The following BMX variants were observed in gnomAD, a reference collection of about 807,000 sequenced individuals.
The protein encoded by BMX is BMX non-receptor tyrosine kinase.
A neutral mutation model predicts 59.2 loss-of-function variants in BMX; 31 were observed. The observed-to-expected ratio is 0.52, with a 90% confidence interval of 0.39 to 0.71. The LOEUF (loss-of-function observed/expected upper bound fraction) is 0.71, where lower values mean the gene tolerates loss of function less well. Ranked by LOEUF, BMX falls within the 30% of genes least tolerant of loss-of-function variation. The pLI is 0.00. For synonymous variants in BMX, 185 were observed against 181.0 expected, an observed-to-expected ratio of 1.02 and a Z score of -0.18; for missense variants, 474 against 491.7, an observed-to-expected ratio of 0.96 and a Z score of 0.34.
intron 17 of BMX, among the ~76,000 whole-genome samples, chrX:15,548,214 C>G (rs1235499087): frequency 2.7e-5 from 3 of 111,425 alleles, no homozygotes; most frequent in African/African-American, 6.5e-5. Flanking sequence ...CCCAGCACTT[C>G]GAGAGGCTGA....
At chrX:15,536,449 C>G in intron 13 of BMX, 22 bp downstream of exon 13, 1 of 1,115,815 alleles carries the variant, frequency 9.0e-7, no homozygotes, top group Non-Finnish European at 1.2e-6. Context: ...TACTTGGGTT[C>G]TTAAACTCCA....
At chrX:15,505,154 C>A (rs1180103416) in intron 1 of BMX, among the ~76,000 whole-genome samples, 1 of 111,883 alleles carries the variant, frequency 8.9e-6, no homozygotes, top group Non-Finnish European at 1.9e-5. Flanking sequence ...AGAGAGACCA[C>A]AGAAATGTTT....
chrX:15,507,237 G>A, intron 1 of BMX: 1 of 565,764 alleles, frequency 1.8e-6, no homozygotes, highest in Non-Finnish European at 2.1e-6. Context: ...CTGTGTGGGT[G>A]CTTCCTGATC....
At chrX:15,541,921 T>C (rs1202566740) in intron 14 of BMX, 61 bp from the exon 15 acceptor site, 1 of 1,042,172 alleles carries the variant, frequency 9.6e-7, no homozygotes, top group Non-Finnish European at 1.3e-6. Context: ...AGCAACTCTT[T>C]TTCAGTACAT....
intron 14 of BMX, among the ~76,000 whole-genome samples, chrX:15,537,938 T>C (rs1925450103): frequency 9.1e-6 from 1 of 110,470 alleles, no homozygotes; most frequent in Admixed American, 9.6e-5. Context: ...GGGAGGTGCA[T>C]GGTGGGATGA....
At chrX:15,546,253 C>T (rs1408682101) in intron 16 of BMX, among the ~76,000 whole-genome samples, 3 of 111,838 alleles carry the variant, frequency 2.7e-5, no homozygotes, top group Non-Finnish European at 3.8e-5. Flanking sequence ...TTCATAACAG[C>T]AGAAGATTAG....
In BMX at chrX:15,526,070, G is replaced by A; in HGVS notation, c.859G>A (p.Glu287Lys). ...WEFPESSSSE[E>K]EENLDDYDWF... ...ATTCCCTGAGTCAAGTTCATCTGAAGAAGAGGAAAACCTGGATGATTATGA... is the reference window on the plus strand; with the variant it reads ...ATTCCCTGAGTCAAGTTCATCTGAAAAAGAGGAAAACCTGGATGATTATGA... The change falls in exon 9 of 19, where the codon GAA (glutamate) becomes AAA (lysine). Residue 287 changes from glutamate to lysine, a missense_variant. Coordinates refer to ENST00000348343, the MANE Select transcript of BMX (RefSeq NM_203281.3). 1 of 1,208,899 alleles carries A rather than the reference G, an allele frequency of 8.3e-7. No individual in the cohort carries two copies. The highest frequency in any genetic ancestry group is 1.8e-5 in the South Asian group (1 of 56,212).
chrX:15,512,400 T>C (rs752262903), intron 4 of BMX, among the ~76,000 whole-genome samples: 2 of 111,942 alleles, frequency 1.8e-5, no homozygotes, highest in African/African-American at 6.5e-5. Flanking sequence ...GTTATGGTTC[T>C]TTCTTAGTAC....
intron 6 of BMX, among the ~76,000 whole-genome samples, chrX:15,519,229 T>TATGGTGTC (rs1275068387): frequency 8.9e-6 from 1 of 111,861 alleles, no homozygotes; most frequent in Non-Finnish European, 1.9e-5. Context: ...CTATTGGATC[T>TATGGTGTC]ATGGTGTCTT....
At chrX:15,538,738 T>A (rs1486058890) in intron 14 of BMX, among the ~76,000 whole-genome samples, 2 of 111,875 alleles carry the variant, frequency 1.8e-5, no homozygotes, top group Non-Finnish European at 3.8e-5. Flanking sequence ...CTAGGGTCCA[T>A]TTCTTTAGTT....
chrX:15,503,462 A>G (rs957097633), intron 1 of BMX, among the ~76,000 whole-genome samples: 1 of 112,212 alleles, frequency 8.9e-6, no homozygotes, highest in Non-Finnish European at 1.9e-5. Flanking sequence ...ACACACAGAT[A>G]TCTCCTACTC....
chrX:15,502,873 G>A (rs1225939429), intron 1 of BMX, among the ~76,000 whole-genome samples: 1 of 111,421 alleles, frequency 9.0e-6, no homozygotes, highest in African/African-American at 3.3e-5. Context: ...TTGTCACAGG[G>A]CCCTCCAGTT....
chrX:15,539,797 A>G (rs2147134349), intron 14 of BMX, among the ~76,000 whole-genome samples: 1 of 112,513 alleles, frequency 8.9e-6, no homozygotes, highest in Non-Finnish European at 1.9e-5. Flanking sequence ...TCAAAAGAAG[A>G]CATTTATGCG....
At chrX:15,515,979 G>T in intron 4 of BMX, 133 bp from the exon 5 acceptor site, 1 of 868,271 alleles carries the variant, frequency 1.2e-6, no homozygotes. Context: ...TATCCTTCCG[G>T]AACCATTTGC....
intron 1 of BMX, among the ~76,000 whole-genome samples, chrX:15,506,829 G>T (rs1032185205): frequency 8.9e-6 from 1 of 112,332 alleles, no homozygotes; most frequent in East Asian, 2.8e-4. Context: ...TTTTGTGAAA[G>T]AATTATCCTT....
intron 11 of BMX, among the ~76,000 whole-genome samples, chrX:15,533,240 T>C (rs1003702361): frequency 8.9e-6 from 1 of 112,155 alleles, no homozygotes; most frequent in Non-Finnish European, 1.9e-5. Context: ...AGGTTTGTTA[T>C]ATAGGTAAAC....
intron 18 of BMX, among the ~76,000 whole-genome samples, chrX:15,553,614 T>G (rs1926297922): frequency 8.9e-6 from 1 of 111,836 alleles, no homozygotes; most frequent in Non-Finnish European, 1.9e-5. Flanking sequence ...TTTTCCCTGA[T>G]TAAAAAATGA....
At chrX:15,554,381 A>T (rs1460005189) in intron 18 of BMX, among the ~76,000 whole-genome samples, 1 of 111,197 alleles carries the variant, frequency 9.0e-6, no homozygotes, top group Non-Finnish European at 1.9e-5. Flanking sequence ...GCCTCTTTTC[A>T]CGTTTTTAAG....
intron 3 of BMX, among the ~76,000 whole-genome samples, chrX:15,511,185 T>A (rs763191245): frequency 2.2e-4 from 25 of 112,376 alleles, no homozygotes; most frequent in African/African-American, 8.1e-4. Flanking sequence ...GTGTCCCTGA[T>A]GAGAACTCAG....
Sources: gnomAD v4.1 joint callset for allele counts (sites outside exome capture counted in the v4.1 genomes callset) on GRCh38, gnomAD v4.1.1 for gene constraint, MANE v1.5 for transcripts, NCBI Gene and HGNC (gene_info 2026-07-23, HGNC 2026-07-21) for gene names.